NPAS3: variants seen among roughly 807,000 people sequenced by gnomAD.
NPAS3 encodes neuronal PAS domain protein 3.
In NPAS3, 14 loss-of-function variants were observed where a neutral mutation model predicts 73.1. The ratio of observed to expected loss-of-function variants is 0.19; its 90% CI spans 0.13 to 0.30. NPAS3 has a LOEUF of 0.30. NPAS3 is among the 10% of genes least tolerant of loss of function. The pLI is 1.00. For missense variants in NPAS3, 1,096 were observed against 1,250.0 expected, an observed-to-expected ratio of 0.88 and a Z score of 1.86; for synonymous variants, 620 against 541.5, an observed-to-expected ratio of 1.14 and a Z score of -2.01.
At chr14:33,747,395 A>T (rs1480235796) in intron 7 of NPAS3, among the ~76,000 whole-genome samples, 1 of 152,236 alleles carries the variant, frequency 6.6e-6, no homozygotes, top group Non-Finnish European at 1.5e-5. Context: ...GAAGAGAGCC[A>T]GGAATCTGGA....
At chr14:33,130,230 C>T (rs1299826870) in intron 2 of NPAS3, among the ~76,000 whole-genome samples, 1 of 152,126 alleles carries the variant, frequency 6.6e-6, no homozygotes, top group Non-Finnish European at 1.5e-5. Context: ...ATTTCCTTTT[C>T]AGTTGACTGT....
At chr14:33,304,587 T>A (rs1343767597) in intron 3 of NPAS3, among the ~76,000 whole-genome samples, 5 of 152,004 alleles carry the variant, frequency 3.3e-5, no homozygotes, top group African/African-American at 9.7e-5. Flanking sequence ...AAAATATGTT[T>A]CCTTAGGGCT....
intron 3 of NPAS3, among the ~76,000 whole-genome samples, chr14:33,346,427 G>A (rs149302965): frequency 1.3e-5 from 2 of 150,048 alleles, no homozygotes; most frequent in East Asian, 2.0e-4. Flanking sequence ...TACTTGGGAG[G>A]TGAGGTAGGA....
At chr14:33,679,872 CAAAT>C (rs2059883601) in intron 6 of NPAS3, among the ~76,000 whole-genome samples, 2 of 152,134 alleles carry the variant, frequency 1.3e-5, no homozygotes, top group South Asian at 4.1e-4. Context: ...ACAGCAAACC[CAAAT>C]AAATATTTTA....
At chr14:33,733,773 CA>C (rs200159276) in intron 6 of NPAS3, among the ~76,000 whole-genome samples, 10 of 148,998 alleles carry the variant, frequency 6.7e-5, no homozygotes, top group East Asian at 2.0e-4. Flanking sequence ...CTCTCTAAAA[CA>C]AAAAAAAAGA....
intron 4 of NPAS3, among the ~76,000 whole-genome samples, chr14:33,519,606 A>G (rs1405885573): frequency 6.6e-6 from 1 of 152,142 alleles, no homozygotes; most frequent in Non-Finnish European, 1.5e-5. Context: ...GCATATGTAA[A>G]GTGGAAATAA....
intron 3 of NPAS3, among the ~76,000 whole-genome samples, chr14:33,260,034 T>G (rs2048916077): frequency 6.6e-6 from 1 of 152,084 alleles, no homozygotes; most frequent in Non-Finnish European, 1.5e-5. Context: ...CCCAAAAGCC[T>G]ATTGCATGCA....
At chr14:33,051,650 C>T (rs1016054718) in intron 1 of NPAS3, among the ~76,000 whole-genome samples, 3 of 152,148 alleles carry the variant, frequency 2.0e-5, no homozygotes, top group African/African-American at 4.8e-5. Flanking sequence ...AAACAGAGAA[C>T]GGATACCTTG....
At chr14:33,095,461 ACG>A (rs2042374226) in intron 2 of NPAS3, among the ~76,000 whole-genome samples, 1 of 152,090 alleles carries the variant, frequency 6.6e-6, no homozygotes, top group East Asian at 1.9e-4. Flanking sequence ...GGTGCGATGA[ACG>A]CCTTTTCTCC....
intron 5 of NPAS3, among the ~76,000 whole-genome samples, chr14:33,581,063 T>G (rs2056646025): frequency 6.6e-6 from 1 of 152,214 alleles, no homozygotes; most frequent in Non-Finnish European, 1.5e-5. Context: ...TGGCTTTTCT[T>G]GACAGACCTG....
chr14:33,039,145 T>G (rs2067431680), intron 1 of NPAS3, among the ~76,000 whole-genome samples: 1 of 152,214 alleles, frequency 6.6e-6, no homozygotes, highest in South Asian at 2.1e-4. Context: ...ATCTATAGCA[T>G]CATTCTGGCT....
At chr14:33,143,853 C>G (rs1297462164) in intron 2 of NPAS3, among the ~76,000 whole-genome samples, 7 of 152,134 alleles carry the variant, frequency 4.6e-5, no homozygotes. Context: ...TTCACTGAGC[C>G]TAATGTTTTT....
chr14:32,949,816 T>A lies in NPAS3; in HGVS notation c.50+10450T>A, dbSNP rs367593399. ...ATATTTTATAAAAATAATTATTTCA[T>A]ATTACTAATTATATCACTGTTTAAG... On this transcript the variant is annotated intron_variant, in intron 1 of 11. Transcript: ENST00000356141. 1.1e-3 allele frequency among the ~76,000 whole-genome samples: 171 copies of A among 152,124 alleles called. No homozygotes were observed. The East Asian group carries it at 0.015, about 13-fold the overall frequency.
intron 7 of NPAS3, among the ~76,000 whole-genome samples, chr14:33,773,757 C>T (rs1006200594): frequency 6.6e-6 from 1 of 152,194 alleles, no homozygotes; most frequent in Admixed American, 6.5e-5. Flanking sequence ...CCCCATAGGG[C>T]ACTGCAATAA....
intron 1 of NPAS3, among the ~76,000 whole-genome samples, chr14:33,016,828 TA>T (rs1247986138): frequency 2.0e-5 from 3 of 152,176 alleles, no homozygotes; most frequent in Admixed American, 2.0e-4. Flanking sequence ...TTCATTCTCA[TA>T]AAAAATATTT....
intron 3 of NPAS3, among the ~76,000 whole-genome samples, chr14:33,226,369 A>G (rs542994963): frequency 1.6e-4 from 24 of 152,220 alleles, no homozygotes; most frequent in Non-Finnish European, 1.6e-4. Flanking sequence ...TCCTGATCCA[A>G]CTGATGGTTT....
chr14:33,014,890 C>T lies in NPAS3; in HGVS notation c.51-41015C>T, dbSNP rs561099855. 5.9e-5 allele frequency among the ~76,000 whole-genome samples: 9 copies of T among 152,122 alleles called. No homozygotes were observed. The South Asian group carries it at 8.3e-4, about 14-fold the overall frequency. ...GGGAGACTCCCTTGGAGCATGAGGC[C>T]GGGCCTTCGGAGGAAGCACTGCTCT... On this transcript the variant is annotated intron_variant, in intron 1 of 11. Transcript: ENST00000356141.
chr14:33,634,865 T>G (rs888068018), intron 5 of NPAS3, among the ~76,000 whole-genome samples: 2 of 152,300 alleles, frequency 1.3e-5, no homozygotes, highest in Admixed American at 1.3e-4. Flanking sequence ...TCTCAAAGTG[T>G]GGTTCCCCAG....
At chr14:33,705,303 G>T (rs1037974993) in intron 6 of NPAS3, among the ~76,000 whole-genome samples, 4 of 151,584 alleles carry the variant, frequency 2.6e-5, no homozygotes, top group Admixed American at 6.6e-5. Context: ...GAGGTTAGTA[G>T]CATCTACACA....
Sources: allele counts gnomAD v4.1 joint callset (sites outside exome capture counted in the v4.1 genomes callset), GRCh38; gene constraint gnomAD v4.1.1; transcripts MANE v1.5; gene names NCBI Gene and HGNC (gene_info 2026-07-23, HGNC 2026-07-21).